The following TRAF7 variants were observed in gnomAD, a reference collection of about 807,000 sequenced individuals.
TRAF7 encodes TNF receptor associated factor 7, also known as E3 ubiquitin-protein ligase TRAF7.
A neutral mutation model predicts 89.3 loss-of-function variants in TRAF7; 45 were observed. The observed-to-expected ratio is 0.50, with a 90% CI of 0.40 to 0.65. The LOEUF (loss-of-function observed/expected upper bound fraction) is 0.65, where lower values mean the gene tolerates loss of function less well. TRAF7 is among the 30% of genes least tolerant of loss of function. The pLI is 0.00. For missense variants in TRAF7, 677 were observed against 918.1 expected, an observed-to-expected ratio of 0.74 and a Z score of 3.39; for synonymous variants, 406 against 369.2, an observed-to-expected ratio of 1.10 and a Z score of -1.14.
rs2093047749 is a variant in TRAF7, at chr16:2,159,166, G to C, written c.-39+3308G>C. Among the ~76,000 whole-genome samples the C allele has an allele frequency of 6.6e-6, 1 of 152,250 alleles. No individual in the cohort carries two copies. ...GGAGCAGAGGGAGATACGGACGCTG[G>C]AGAGGCTTGGCCAGGGCAAGACAGG... On this transcript the variant is annotated intron_variant, in intron 1 of 20. Coordinates refer to ENST00000326181, the MANE Select transcript of TRAF7 (RefSeq NM_032271.3). The surrounding 1 kb of genome is among the most constrained non-coding windows in gnomAD (Gnocchi z 6.5).
chr16:2,160,504 G>T (rs1347763172), intron 1 of TRAF7, among the ~76,000 whole-genome samples: 1 of 135,958 alleles, frequency 7.4e-6, no homozygotes, highest in Admixed American at 7.2e-5. Context: ...GTGTGGACCG[G>T]CGGGCGGTGT....
intron 17 of TRAF7, 103 bp downstream of exon 17, chr16:2,175,725 C>A (rs1189238771): frequency 3.1e-6 from 5 of 1,587,616 alleles, no homozygotes; most frequent in African/African-American, 1.3e-5. Flanking sequence ...CTTCGCACAT[C>A]CCCTGGCTGG....
Position 2,163,848 on chromosome 16 carries a change from A to G in TRAF7, c.-38-35A>G. 4.3e-6 allele frequency: 6 copies of G among 1,384,166 alleles called. No homozygotes were observed. Among genetic ancestry groups the G allele is most frequent in the Non-Finnish European group, 6.1e-6 (6 of 987,504 alleles). The allele number at this position is 1,384,166 out of a possible 1,614,324, so 85.7% of individuals were successfully genotyped here. On this transcript the variant is annotated intron_variant, in intron 1 of 20. Transcript: ENST00000326181. This position sits in a 1 kb window ranked among gnomAD's most constrained non-coding sequence, Gnocchi z 4.3. Reference sequence around the variant, plus strand: ...TCTGACTCACAGGGGCCTGGGCTCCATCTCTCAAGCCCCTCATTTGTGCTC... The same window carrying G: ...TCTGACTCACAGGGGCCTGGGCTCCGTCTCTCAAGCCCCTCATTTGTGCTC...
Position 2,168,193 on chromosome 16 carries a change from G to C in TRAF7, c.231+25G>C. On this transcript the variant is annotated intron_variant, in intron 4 of 20. Transcript: ENST00000326181. This position sits in a 1 kb window ranked among gnomAD's most constrained non-coding sequence, Gnocchi z 4.1. ...GGTAGGTCCCTACCCCCAGGAGCCC[G>C]TGTGAGCCTCAGCCTCCCCCCATCC... 1 of 1,586,548 alleles carries C rather than the reference G, an allele frequency of 6.3e-7. No individual in the cohort carries two copies. The highest frequency in any genetic ancestry group is 2.3e-5 in the East Asian group (1 of 43,406).
chr16:2,175,719 G>C (rs1400092194), intron 17 of TRAF7, 97 bp downstream of exon 17: 1 of 1,587,026 alleles, frequency 6.3e-7, no homozygotes, highest in East Asian at 2.2e-5. Context: ...TCCTACCTTC[G>C]CACATCCCCT....
chr16:2,164,561 C>T (rs40341), intron 2 of TRAF7, among the ~76,000 whole-genome samples: 7 of 123,108 alleles, frequency 5.7e-5, no homozygotes, highest in Non-Finnish European at 1.0e-4. Flanking sequence ...CTGGCCTGGT[C>T]GCATGGTTAA....
intron 9 of TRAF7, among the ~76,000 whole-genome samples, 160 bp downstream of exon 9, chr16:2,172,759 G>A (rs1451326474): frequency 1.3e-5 from 2 of 152,186 alleles, no homozygotes; most frequent in African/African-American, 2.4e-5. Flanking sequence ...GAAACCCAGA[G>A]GGGGAGCCGA....
intron 2 of TRAF7, among the ~76,000 whole-genome samples, chr16:2,165,638 G>A (rs12933111): frequency 2.1e-5 from 3 of 142,904 alleles, no homozygotes; most frequent in South Asian, 2.3e-4. Context: ...GCATGGTTAA[G>A]CGTGTGAGTG....
intron 4 of TRAF7, among the ~76,000 whole-genome samples, chr16:2,169,063 A>G (rs780071668): frequency 4.6e-5 from 7 of 151,842 alleles, no homozygotes; most frequent in Non-Finnish European, 8.8e-5. Context: ...TCAGCTCACC[A>G]CAACCTCCGC....
Position 2,176,875 on chromosome 16 carries a change from C to G in TRAF7, c.*301C>G, listed in dbSNP as rs2093139329. The G allele has an allele frequency of 3.7e-6, 2 of 546,290 alleles. No homozygotes were observed. The highest frequency in any genetic ancestry group is 3.1e-5 in the Admixed American group (1 of 31,938). The allele number at this position is 546,290 out of a possible 1,614,324, so 33.8% of individuals were successfully genotyped here. A position where few individuals can be genotyped will look rare whatever the true frequency, so the allele number is the denominator to read the frequency against. On this transcript the variant is annotated 3_prime_UTR_variant, in exon 21 of 21. Coordinates refer to ENST00000326181, the MANE Select transcript of TRAF7 (RefSeq NM_032271.3). The stretch of plus-strand genomic sequence containing the variant: ...AGGGCCTTTTTACTCACCTTTTCTA[C>G]CGTTTTTAGACTGTATGTAGATTTG...
At chr16:2,165,203 T>C (rs1337835080) in intron 2 of TRAF7, among the ~76,000 whole-genome samples, 1 of 142,000 alleles carries the variant, frequency 7.0e-6, no homozygotes, top group Admixed American at 6.9e-5. Context: ...GAGTGCTGCA[T>C]GGCCTGGCCT....
rs184197032 is a variant in TRAF7 at position 2,161,772 on chromosome 16, A to C, written c.-38-2111A>C. On this transcript the variant is annotated intron_variant, in intron 1 of 20. Coordinates refer to ENST00000326181, the MANE Select transcript of TRAF7 (RefSeq NM_032271.3). This position sits in a 1 kb window ranked among gnomAD's most constrained non-coding sequence, Gnocchi z 5.2. ...CAGCTGGGACATCCTCACCCCAAGC[A>C]CAATGGCAAAAGGCAAGCCCTGGCC... Among the ~76,000 whole-genome samples the C allele has an allele frequency of 6.6e-6, 1 of 152,314 alleles. No individual in the cohort carries two copies. Among genetic ancestry groups the C allele is most frequent in the East Asian group, 1.9e-4 (1 of 5,176 alleles).
At chr16:2,174,403 G>C in intron 14 of TRAF7, 70 bp downstream of exon 14, 12 of 1,495,422 alleles carry the variant, frequency 8.0e-6, no homozygotes, top group Non-Finnish European at 1.1e-5. Flanking sequence ...CCCGTGGGCC[G>C]TGAGCCATGA....
intron 17 of TRAF7, 55 bp downstream of exon 17, chr16:2,175,677 C>T (rs2141295866): frequency 6.3e-7 from 1 of 1,596,310 alleles, no homozygotes; most frequent in Non-Finnish European, 8.5e-7. Context: ...CAGCACTTCC[C>T]AGGCCAGCAC....
rs1037109402 is a variant in TRAF7, at chr16:2,168,778, G to A, written c.231+610G>A. ...CCCTGTGGCCAGGGTCTCAGTGGCCGTTCCCTGCCATCCTGGTCAATGGCG... is the reference window on the plus strand; with the variant it reads ...CCCTGTGGCCAGGGTCTCAGTGGCCATTCCCTGCCATCCTGGTCAATGGCG... On this transcript the variant is annotated intron_variant, in intron 4 of 20. Coordinates refer to ENST00000326181, the MANE Select transcript of TRAF7 (RefSeq NM_032271.3). The surrounding 1 kb of genome is among the most constrained non-coding windows in gnomAD (Gnocchi z 4.1). 1.3e-5 allele frequency among the ~76,000 whole-genome samples: 2 copies of A among 152,068 alleles called. No homozygotes were observed. The highest frequency in any genetic ancestry group is 1.3e-4 in the Admixed American group (2 of 15,270).
At chr16:2,173,730 GC>G in intron 11 of TRAF7, 57 bp from the exon 12 acceptor site, 1 of 1,602,334 alleles carries the variant, frequency 6.2e-7, no homozygotes, top group Non-Finnish European at 8.5e-7. Flanking sequence ...CAGAGAGGCT[GC>G]ACTGGCCCCA....
chr16:2,170,963 G>A (rs1407628008), intron 5 of TRAF7, among the ~76,000 whole-genome samples: 1 of 152,234 alleles, frequency 6.6e-6, no homozygotes, highest in Non-Finnish European at 1.5e-5. Flanking sequence ...ACTGGCAGCG[G>A]GAAGCACAGG....
Position 2,176,042 on chromosome 16 carries a change from C to A in TRAF7, c.1747-7C>A, listed in dbSNP as rs745339277. On this transcript the variant is annotated splice_polypyrimidine_tract_variant and splice_region_variant and intron_variant, in intron 18 of 20. Coordinates refer to ENST00000326181, the MANE Select transcript of TRAF7 (RefSeq NM_032271.3). ...GTCTTTGACCTGCCTGTGCCCACCC[C>A]TCCCAGGTGTGGGACATTGAGTCCA... The A allele has an allele frequency of 1.9e-6, 3 of 1,607,970 alleles. No individual in the cohort carries two copies. In the South Asian group the frequency reaches 3.3e-5, roughly 18 times the overall value.
chr16:2,166,762 C>T (rs1428113543), intron 3 of TRAF7, among the ~76,000 whole-genome samples: 2 of 152,242 alleles, frequency 1.3e-5, no homozygotes, highest in African/African-American at 4.8e-5. Context: ...CCTGAAGCTT[C>T]CCTGCTGCTT....
Sources: gnomAD v4.1 joint callset for allele counts (sites outside exome capture counted in the v4.1 genomes callset) on GRCh38, gnomAD v4.1.1 for gene constraint, Gnocchi (gnomAD v3.1) non-coding constraint, MANE v1.5 for transcripts, NCBI Gene and HGNC (gene_info 2026-07-23, HGNC 2026-07-21) for gene names.